SUMO2: variants seen among roughly 807,000 people sequenced by gnomAD.
The protein encoded by SUMO2 is small ubiquitin-related modifier 2.
SUMO2 carries 1 observed loss-of-function variant against 16.0 expected under a neutral mutation model. The observed-to-expected ratio is 0.06, with a 90% CI of 0.02 to 0.30. The LOEUF is 0.30. SUMO2 is among the 10% of genes least tolerant of loss of function. SUMO2 has a pLI of 1.00. For synonymous variants in SUMO2, 36 were observed against 40.6 expected (o/e 0.89, Z 0.43); for missense variants, 16 against 117.5 (o/e 0.14, Z 3.99).
At chr17:75,178,614 A>G (rs1004020475) in intron 2 of SUMO2, among the ~76,000 whole-genome samples, 2 of 151,916 alleles carry the variant, frequency 1.3e-5, no homozygotes, top group Non-Finnish European at 2.9e-5. Flanking sequence ...TGTCACCCAC[A>G]CTGGAGTGCA....
intron 3 of SUMO2, among the ~76,000 whole-genome samples, chr17:75,172,077 G>C (rs1452349588): frequency 6.7e-6 from 1 of 148,500 alleles, no homozygotes; most frequent in African/African-American, 2.5e-5. Flanking sequence ...CATGACCTCC[G>C]CGCTCACTGC....
Position 75,181,905 on chromosome 17 carries a change from AAGT to A in SUMO2, c.22-720_22-718del, listed in dbSNP as rs989831224. On this transcript the variant is annotated intron_variant, in intron 1 of 3. Transcript: ENST00000420826. ...TTCTTGTAGATTTCGACCCAACCTA[AAGT>A]TGTCCAAAATCGAGTGCAGAAGCAA... is the stretch of plus-strand genomic sequence containing the variant. Among the ~76,000 whole-genome samples, 33 of 107,364 alleles carry A rather than the reference AAGT, an allele frequency of 3.1e-4. 1 individual carries two copies. Among genetic ancestry groups the A allele is most frequent in the African/African-American group, 8.3e-4 (33 of 39,700 alleles). The allele number at this position is 107,364 out of a possible 152,430, so 70.4% of individuals were successfully genotyped here. A position where few individuals can be genotyped will look rare whatever the true frequency, so the allele number is the denominator to read the frequency against.
In SUMO2 at chr17:75,177,967, C is replaced by G. The variant is rs989493347; in HGVS notation, c.153+3090G>C. On this transcript the variant is annotated intron_variant, in intron 2 of 3. Transcript: ENST00000420826. The stretch of plus-strand genomic sequence containing the variant: ...TTATGTCACTACACTCCAGTCTGAC[C>G]GACAAAGCGAGACTCCGTCTCAAAA... Among the ~76,000 whole-genome samples, 5 of 118,356 alleles carry G rather than the reference C, an allele frequency of 4.2e-5. No homozygotes were observed. The South Asian group carries it at 1.4e-3, about 34-fold the overall frequency. 77.6% of individuals were successfully genotyped at this position (118,356 alleles called of 152,430 possible).
intron 3 of SUMO2, among the ~76,000 whole-genome samples, chr17:75,173,991 C>T (rs1481613427): frequency 3.3e-5 from 5 of 152,154 alleles, no homozygotes; most frequent in Non-Finnish European, 5.9e-5. Context: ...CAGGGGCTCT[C>T]CCTGTCAAAC....
At chr17:75,176,523 G>A in intron 2 of SUMO2, among the ~76,000 whole-genome samples, 1 of 152,034 alleles carries the variant, frequency 6.6e-6, no homozygotes, top group East Asian at 1.9e-4. Context: ...GGCTGAGGCA[G>A]GAGGATCGCT....
intron 2 of SUMO2, among the ~76,000 whole-genome samples, chr17:75,178,503 G>C (rs866218403): frequency 7.9e-6 from 1 of 126,110 alleles, no homozygotes; most frequent in South Asian, 2.5e-4. Context: ...AACAGTGCGA[G>C]ACTCTCAAAA....
At chr17:75,172,952 G>A (rs2074753539) in intron 3 of SUMO2, among the ~76,000 whole-genome samples, 1 of 152,116 alleles carries the variant, frequency 6.6e-6, no homozygotes. Flanking sequence ...GTCACCAGTT[G>A]AAATGTCTTC....
At chr17:75,180,989 T>G in intron 2 of SUMO2, 68 bp downstream of exon 2, 1 of 1,587,196 alleles carries the variant, frequency 6.3e-7, no homozygotes, top group Admixed American at 1.7e-5. Context: ...GTCTAGTTTT[T>G]GTTCCCATGA....
chr17:75,177,080 C>T (rs28759168), intron 2 of SUMO2, among the ~76,000 whole-genome samples: 6,795 of 150,006 alleles, frequency 0.045, 528 homozygotes, highest in African/African-American at 0.15. Flanking sequence ...CTACTCCAGC[C>T]GGAGGTTGAG....
intron 3 of SUMO2, among the ~76,000 whole-genome samples, chr17:75,171,793 G>T (rs1291490631): frequency 6.6e-6 from 1 of 152,020 alleles, no homozygotes; most frequent in African/African-American, 2.4e-5. Context: ...TTAAAGACAG[G>T]AAATACATTC....
chr17:75,178,768 G>A (rs1050146065), intron 2 of SUMO2, among the ~76,000 whole-genome samples: 5 of 151,294 alleles, frequency 3.3e-5, no homozygotes, highest in African/African-American at 7.3e-5. Flanking sequence ...TGGGCCAGGC[G>A]CAGTGGCTCA....
intron 2 of SUMO2, among the ~76,000 whole-genome samples, chr17:75,176,382 G>A (rs1216811550): frequency 6.6e-6 from 1 of 152,032 alleles, no homozygotes; most frequent in Non-Finnish European, 1.5e-5. Flanking sequence ...CACTTTAGGA[G>A]ACCAAGGCAG....
chr17:75,180,518 G>C (rs1384339015), intron 2 of SUMO2, among the ~76,000 whole-genome samples: 2 of 147,858 alleles, frequency 1.4e-5, no homozygotes, highest in Admixed American at 6.9e-5. Context: ...TTTGGAACCA[G>C]CCTAGCCAAT....
intron 3 of SUMO2, among the ~76,000 whole-genome samples, chr17:75,170,006 A>G (rs1480790490): frequency 6.6e-6 from 1 of 151,456 alleles, no homozygotes; most frequent in Non-Finnish European, 1.5e-5. Flanking sequence ...AATACAAAAA[A>G]CAAAACAAAA....
intron 2 of SUMO2, among the ~76,000 whole-genome samples, chr17:75,180,173 G>C (rs2074815587): frequency 6.6e-6 from 1 of 150,702 alleles, no homozygotes; most frequent in Non-Finnish European, 1.5e-5. Flanking sequence ...AATTAGCCGG[G>C]CGTGGTGGCG....
rs755530217 is a variant in SUMO2 at position 75,168,366 on chromosome 17, G to A, written c.261C>T (p.Phe87=). The A allele has an allele frequency of 1.2e-6, 2 of 1,607,778 alleles. No individual in the cohort carries two copies. Among genetic ancestry groups the A allele is most frequent in the Non-Finnish European group, 1.7e-6 (2 of 1,177,234 alleles). ...AGTAGACACCTCCCGTCTGCTGTTG[G>A]AACACATCAATTGTATCTTCATCCT... is the stretch of plus-strand genomic sequence containing the variant. ...EMEDEDTIDV[F]QQQTGGVY Residue 87 remains phenylalanine, a synonymous_variant, in exon 4 of 4, where the codon TTC becomes TTT. Transcript: ENST00000420826.
chr17:75,173,480 T>G (rs879315416), intron 3 of SUMO2, among the ~76,000 whole-genome samples: 6 of 151,572 alleles, frequency 4.0e-5, no homozygotes, highest in Non-Finnish European at 7.4e-5. Flanking sequence ...GGAAGTCATT[T>G]TTTTTTTTTT....
At chr17:75,171,759 G>A (rs16967636) in intron 3 of SUMO2, among the ~76,000 whole-genome samples, 7,147 of 152,020 alleles carry the variant, frequency 0.047, 575 homozygotes, top group African/African-American at 0.16. Context: ...AGATAATCCC[G>A]TTTTAGTGGT....
intron 3 of SUMO2, among the ~76,000 whole-genome samples, chr17:75,172,209 G>A (rs1252314576): frequency 6.6e-6 from 1 of 151,818 alleles, no homozygotes; most frequent in Non-Finnish European, 1.5e-5. Context: ...TTTTAGTAGA[G>A]ACGGGGTAGT....
Sources: gnomAD v4.1 joint callset for allele counts (sites outside exome capture counted in the v4.1 genomes callset) on GRCh38, gnomAD v4.1.1 for gene constraint, MANE v1.5 for transcripts, NCBI Gene and HGNC (gene_info 2026-07-23, HGNC 2026-07-21) for gene names.